CNTN5: variants seen among roughly 807,000 people sequenced by gnomAD.
CNTN5 encodes the protein contactin-5.
In CNTN5, 77 loss-of-function variants were observed where a neutral mutation model predicts 129.1. The observed-to-expected ratio is 0.60, with a 90% CI of 0.50 to 0.72. CNTN5 has a LOEUF of 0.72. CNTN5 is among the 30% of genes least tolerant of loss of function. CNTN5 has a pLI of 0.00. For synonymous variants in CNTN5, 509 were observed against 465.6 expected (o/e 1.09, Z -1.20); for missense variants, 1,478 against 1,328.8 (o/e 1.11, Z -1.75).
chr11:99,083,033 AACACAC>A (rs5793966), intron 1 of CNTN5, among the ~76,000 whole-genome samples: 4 of 150,118 alleles, frequency 2.7e-5, no homozygotes, highest in African/African-American at 7.4e-5. Flanking sequence ...AAATGATTTA[AACACAC>A]ACACACACAC....
intron 3 of CNTN5, among the ~76,000 whole-genome samples, chr11:99,817,596 G>GTTTTTTTTTT (rs372057505): frequency 3.0e-5 from 3 of 99,626 alleles, no homozygotes; most frequent in Non-Finnish European, 5.6e-5. Context: ...GTCTGGGATA[G>GTTTTTTTTTT]TTTTTTTTTT....
intron 3 of CNTN5, among the ~76,000 whole-genome samples, chr11:99,642,434 G>A (rs7131251): frequency 1.9e-3 from 294 of 152,090 alleles, no homozygotes; most frequent in African/African-American, 6.8e-3. Context: ...GCTGAATTAA[G>A]CTTTTTTTAT....
chr11:99,580,754 A>T, intron 3 of CNTN5, among the ~76,000 whole-genome samples: 1 of 138,978 alleles, frequency 7.2e-6, no homozygotes. Flanking sequence ...ACGGTCTATC[A>T]ATTTTGTTGA....
At chr11:99,535,341 A>C (rs568446885) in intron 2 of CNTN5, among the ~76,000 whole-genome samples, 83 of 152,300 alleles carry the variant, frequency 5.4e-4, no homozygotes, top group African/African-American at 1.8e-3. Flanking sequence ...GGAGGATGAG[A>C]GAGAGGTAGA....
intron 3 of CNTN5, among the ~76,000 whole-genome samples, chr11:99,648,873 G>A (rs680022): frequency 0.6 from 90,942 of 151,462 alleles, 28,211 homozygotes; most frequent in Admixed American, 0.69. Flanking sequence ...AGTAAAGACT[G>A]GAACCGAGAA....
chr11:99,768,434 T>C (rs1944830890), intron 3 of CNTN5, among the ~76,000 whole-genome samples: 1 of 152,150 alleles, frequency 6.6e-6, no homozygotes, highest in Non-Finnish European at 1.5e-5. Context: ...TATTGTCTCA[T>C]AGACAGTCCA....
At position 99,727,321 on chromosome 11, in the gene CNTN5, A is replaced by AAAAAAAAAAAG. The variant is rs1555089265; in HGVS notation, c.56-92213_56-92212insGAAAAAAAAAA. On this transcript the variant is annotated intron_variant, in intron 3 of 24. Coordinates refer to ENST00000524871, the MANE Select transcript of CNTN5 (RefSeq NM_014361.4). ...GAGCGAGACTCCGTCTCAAAAAAAAAAAAAAAAAAAAAATTCCAGGGCATT... is the reference window on the plus strand; with the variant it reads ...GAGCGAGACTCCGTCTCAAAAAAAAAAAAAAAAAAAGAAAAAAAAAAAAATTCCAGGGCATT... 1.6e-3 allele frequency among the ~76,000 whole-genome samples: 197 copies of AAAAAAAAAAAG among 123,476 alleles called. 12 individuals are homozygous for AAAAAAAAAAAG. The highest frequency in any genetic ancestry group is 5.0e-3 in the African/African-American group (171 of 34,328). The allele number at this position is 123,476 out of a possible 152,430, so 81.0% of individuals were successfully genotyped here.
At chr11:100,123,795 T>C (rs1285179625) in intron 13 of CNTN5, among the ~76,000 whole-genome samples, 2 of 152,018 alleles carry the variant, frequency 1.3e-5, no homozygotes, top group African/African-American at 4.8e-5. Context: ...ATTATAAAAA[T>C]ATTACTATAA....
intron 1 of CNTN5, among the ~76,000 whole-genome samples, chr11:99,279,312 A>G (rs942106086): frequency 1.3e-5 from 2 of 151,838 alleles, no homozygotes; most frequent in Non-Finnish European, 2.9e-5. Context: ...TGGCTAAGAC[A>G]CTTTCTTTTC....
chr11:100,029,117 C>T (rs1015089209), intron 9 of CNTN5, among the ~76,000 whole-genome samples: 3 of 150,580 alleles, frequency 2.0e-5, no homozygotes, highest in South Asian at 2.1e-4. Context: ...TCTGCCTTAA[C>T]GGCTGTTGGA....
chr11:100,228,368 G>T lies in CNTN5; in HGVS notation c.2005+3556G>T, dbSNP rs958843441. Among the ~76,000 whole-genome samples the T allele has an allele frequency of 5.9e-5, 9 of 152,296 alleles. No homozygotes were observed. The East Asian group carries it at 7.7e-4, about 13-fold the overall frequency. On this transcript the variant is annotated intron_variant, in intron 16 of 24. Transcript: ENST00000524871. ...ATGAATTAAGCTCAGGATGTCACTT[G>T]TTGGGAGACATCTAACTGCTTTCAA...
rs145848285 is a variant in CNTN5, at chr11:99,878,955, C to T, written c.577+33693C>T. Among the ~76,000 whole-genome samples the T allele has an allele frequency of 6.4e-3, 977 of 152,008 alleles. 12 individuals carry two copies. Among genetic ancestry groups the T allele is most frequent in the African/African-American group, 0.021 (872 of 41,508 alleles). ...TTTTGTTTTTGTTTTTCTCTTGAGA[C>T]GGAGTCTGGCTCTGTCGCTCGCGCT... On this transcript the variant is annotated intron_variant, in intron 6 of 24. Transcript: ENST00000524871.
At chr11:100,348,193 T>A (rs1036574920) in intron 23 of CNTN5, among the ~76,000 whole-genome samples, 2 of 4,980 alleles carry the variant, frequency 4.0e-4, no homozygotes, top group Non-Finnish European at 5.7e-4. Flanking sequence ...TTACTGTCAA[T>A]AACTATTTTT....
At chr11:99,944,682 A>C (rs1260948844) in intron 7 of CNTN5, among the ~76,000 whole-genome samples, 3 of 152,142 alleles carry the variant, frequency 2.0e-5, no homozygotes, top group Admixed American at 2.0e-4. Context: ...ATACAAAATC[A>C]ATGTGCAAAA....
chr11:99,539,581 A>G (rs1254885899), intron 2 of CNTN5, among the ~76,000 whole-genome samples: 4 of 152,122 alleles, frequency 2.6e-5, no homozygotes, highest in African/African-American at 7.2e-5. Flanking sequence ...TGAAATAATT[A>G]TTACTACCAA....
At chr11:99,992,565 T>C (rs1360735836) in intron 8 of CNTN5, among the ~76,000 whole-genome samples, 1 of 152,196 alleles carries the variant, frequency 6.6e-6, no homozygotes, top group Admixed American at 6.5e-5. Context: ...TATCAAAATA[T>C]GAAGTTCATA....
chr11:99,093,445 G>GT (rs11399723), intron 1 of CNTN5, among the ~76,000 whole-genome samples: 55,881 of 146,256 alleles, frequency 0.38, 10,722 homozygotes, highest in East Asian at 0.59. Context: ...TTGTTTTTCT[G>GT]TTTTTTTTTT....
At chr11:100,053,846 A>T (rs11222556) in intron 9 of CNTN5, among the ~76,000 whole-genome samples, 2 of 151,666 alleles carry the variant, frequency 1.3e-5, no homozygotes, top group Non-Finnish European at 1.5e-5. Flanking sequence ...AAACTGTAGC[A>T]TATCCATATA....
intron 3 of CNTN5, among the ~76,000 whole-genome samples, chr11:99,581,981 G>A (rs1258408245): frequency 1.3e-5 from 2 of 151,972 alleles, no homozygotes; most frequent in Non-Finnish European, 2.9e-5. Context: ...TCCTTTCCAT[G>A]TTTAGTACTT....
Sources: gnomAD v4.1 joint callset for allele counts (sites outside exome capture counted in the v4.1 genomes callset) on GRCh38, gnomAD v4.1.1 for gene constraint, MANE v1.5 for transcripts, NCBI Gene and HGNC (gene_info 2026-07-23, HGNC 2026-07-21) for gene names.